Variants in SYT16 observed in about 807,000 individuals in gnomAD.
SYT16 encodes synaptotagmin 16, also known as synaptotagmin-16.
In SYT16, 42 loss-of-function variants were observed where a neutral mutation model predicts 61.4. That is an observed-to-expected ratio of 0.68 (90% CI 0.53 to 0.89). The LOEUF is 0.89. SYT16 is among the 40% of genes least tolerant of loss of function. The pLI is 0.00. For synonymous variants in SYT16, 314 were observed against 302.3 expected, an observed-to-expected ratio of 1.04 and a Z score of -0.40; for missense variants, 804 against 807.3, an observed-to-expected ratio of 1.00 and a Z score of 0.05.
chr14:62,024,944 A>G (rs977824301), intron 3 of SYT16, among the ~76,000 whole-genome samples: 1 of 152,010 alleles, frequency 6.6e-6, no homozygotes, highest in African/African-American at 2.4e-5. Flanking sequence ...AGATTTCTCC[A>G]TATCTTTTCA....
rs578131349 is a variant in SYT16 at position 62,103,619 on chromosome 14, C to T, written c.*2912C>T. On this transcript the variant is annotated 3_prime_UTR_variant, in exon 8 of 8. Transcript: ENST00000683842. ...TTAAATGGACCATTCACCAGGCAGC[C>T]GAACACCTGCTCTCCGTTCCCTCTC... 5 of 152,350 alleles carry T rather than the reference C, an allele frequency of 3.3e-5. No homozygotes were observed. Among genetic ancestry groups the T allele is most frequent in the Admixed American group, 1.3e-4 (2 of 15,294 alleles). 9.4% of individuals were successfully genotyped at this position (152,350 alleles called of 1,614,324 possible). A position where few individuals can be genotyped will look rare whatever the true frequency, so the allele number is the denominator to read the frequency against.
chr14:62,078,289 T>C (rs2056585724), intron 5 of SYT16, among the ~76,000 whole-genome samples: 1 of 152,042 alleles, frequency 6.6e-6, no homozygotes, highest in African/African-American at 2.4e-5. Flanking sequence ...ATTTTGAGTA[T>C]TGGATACGAG....
Position 62,045,556 on chromosome 14 carries a change from C to T in SYT16, c.524-24047C>T, listed in dbSNP as rs112646619. 1.1e-3 allele frequency among the ~76,000 whole-genome samples: 169 copies of T among 152,142 alleles called. 2 individuals carry two copies. The highest frequency in any genetic ancestry group is 3.7e-3 in the African/African-American group (154 of 41,500). ...CATGTTGGTGTGCTGTACCCATTAA[C>T]TCGTCATTTAACATTAGGTATATCT... On this transcript the variant is annotated intron_variant, in intron 3 of 7. Coordinates refer to ENST00000683842, the MANE Select transcript of SYT16 (RefSeq NM_001367656.1).
At chr14:61,820,914 C>G (rs1236794237) in intron 1 of SYT16, among the ~76,000 whole-genome samples, 2 of 152,188 alleles carry the variant, frequency 1.3e-5, no homozygotes, top group African/African-American at 4.8e-5. Flanking sequence ...GCCATCCAGC[C>G]CTTCCTTCTG....
intron 3 of SYT16, among the ~76,000 whole-genome samples, chr14:62,010,080 C>G (rs1566760817): frequency 6.6e-6 from 1 of 152,058 alleles, no homozygotes. Context: ...TGAAATTTGA[C>G]CAATAGTGTA....
Position 61,829,311 on chromosome 14 carries a change from TTC to T in SYT16, c.-325+16503_-325+16504del, listed in dbSNP as rs777840468. 5.9e-5 allele frequency among the ~76,000 whole-genome samples: 9 copies of T among 152,316 alleles called. No individual in the cohort carries two copies. In the East Asian group the frequency reaches 1.5e-3, roughly 26 times the overall value. On this transcript the variant is annotated intron_variant, in intron 1 of 7. Coordinates refer to ENST00000683842, the MANE Select transcript of SYT16 (RefSeq NM_001367656.1). The stretch of plus-strand genomic sequence containing the variant: ...TATCCCACTGTATATACTTTATCAT[TTC>T]TGTCTGACTGCTTTCAAGATTTTTT...
At chr14:61,924,386 C>G (rs1485495269) in intron 1 of SYT16, among the ~76,000 whole-genome samples, 2 of 152,134 alleles carry the variant, frequency 1.3e-5, no homozygotes, top group Non-Finnish European at 2.9e-5. Context: ...AATTGTTAAG[C>G]AAGGCTTGGA....
chr14:62,078,374 T>TGG (rs1173354330), intron 5 of SYT16, among the ~76,000 whole-genome samples: 21 of 152,006 alleles, frequency 1.4e-4, no homozygotes, highest in African/African-American at 4.4e-4. Context: ...GATCTGGGCT[T>TGG]GGGGGGAGAG....
intron 3 of SYT16, among the ~76,000 whole-genome samples, chr14:62,027,205 C>T (rs1273457054): frequency 6.6e-6 from 1 of 152,164 alleles, no homozygotes; most frequent in African/African-American, 2.4e-5. Flanking sequence ...CCTGTTTCCT[C>T]CCCTTAGCAT....
chr14:61,852,058 A>C (rs553937123), intron 1 of SYT16, among the ~76,000 whole-genome samples: 267 of 152,250 alleles, frequency 1.8e-3, no homozygotes, highest in African/African-American at 6.1e-3. Context: ...TGGGTTTTAC[A>C]TTTAAGTCTT....
chr14:61,880,299 G>T (rs768887508), intron 1 of SYT16, among the ~76,000 whole-genome samples: 2 of 152,086 alleles, frequency 1.3e-5, no homozygotes, highest in Admixed American at 6.5e-5. Context: ...GGGTATGGGG[G>T]GTCTGTTTCT....
chr14:61,839,358 C>G (rs961651838), intron 1 of SYT16, among the ~76,000 whole-genome samples: 1 of 152,230 alleles, frequency 6.6e-6, no homozygotes, highest in Non-Finnish European at 1.5e-5. Context: ...ATCTTGGAGA[C>G]TTTTCAGCCT....
At chr14:62,040,473 G>A (rs1258951812) in intron 3 of SYT16, among the ~76,000 whole-genome samples, 3 of 152,118 alleles carry the variant, frequency 2.0e-5, no homozygotes, top group African/African-American at 7.2e-5. Flanking sequence ...TTTATATTTG[G>A]TATTTTTCTT....
intron 1 of SYT16, among the ~76,000 whole-genome samples, chr14:61,860,783 A>T (rs1386028218): frequency 6.6e-6 from 1 of 152,154 alleles, no homozygotes; most frequent in African/African-American, 2.4e-5. Flanking sequence ...AGGCCATTCG[A>T]TTCAAGAGTG....
At chr14:61,857,388 C>G (rs935212364) in intron 1 of SYT16, among the ~76,000 whole-genome samples, 5 of 152,224 alleles carry the variant, frequency 3.3e-5, no homozygotes, top group Admixed American at 3.3e-4. Context: ...ACGGAACCAA[C>G]TGCAGCTATG....
At chr14:61,994,731 G>A (rs2052693825) in intron 2 of SYT16, among the ~76,000 whole-genome samples, 1 of 152,120 alleles carries the variant, frequency 6.6e-6, no homozygotes, top group Admixed American at 6.6e-5. Context: ...ACTGAAATGT[G>A]GGCTGTATGG....
In SYT16 at chr14:62,040,267, G is replaced by C. The variant is rs1004675418; in HGVS notation, c.524-29336G>C. Among the ~76,000 whole-genome samples the C allele has an allele frequency of 4.6e-5, 7 of 152,178 alleles. No homozygotes were observed. The South Asian group carries it at 6.2e-4, about 14-fold the overall frequency. On this transcript the variant is annotated intron_variant, in intron 3 of 7. Transcript: ENST00000683842. The stretch of plus-strand genomic sequence containing the variant: ...CTCACCCAAACCTCATGAAGATATG[G>C]AGAGGGGTGGTTTTCTACAAGAAAA...
intron 1 of SYT16, among the ~76,000 whole-genome samples, chr14:61,949,652 C>G (rs777133005): frequency 2.6e-5 from 4 of 152,038 alleles, no homozygotes; most frequent in Non-Finnish European, 5.9e-5. Context: ...CAACAAAATC[C>G]TAGAATAGAA....
chr14:61,890,761 A>G (rs1332163013), intron 1 of SYT16, among the ~76,000 whole-genome samples: 3 of 152,182 alleles, frequency 2.0e-5, no homozygotes, highest in Non-Finnish European at 4.4e-5. Context: ...CTGGGATTGT[A>G]TTGAACAGTT....
Sources: allele counts gnomAD v4.1 joint callset (sites outside exome capture counted in the v4.1 genomes callset), GRCh38; gene constraint gnomAD v4.1.1; transcripts MANE v1.5; gene names NCBI Gene and HGNC (gene_info 2026-07-23, HGNC 2026-07-21).